The following INSR variants were observed in gnomAD, a reference collection of about 807,000 sequenced individuals.
The protein encoded by INSR is insulin receptor, also known as IR.
In INSR, 67 loss-of-function variants were observed where a neutral mutation model predicts 142.6. That is an observed-to-expected ratio of 0.47 (90% CI 0.39 to 0.58). The LOEUF is 0.58. INSR is among the 20% of genes least tolerant of loss of function. The pLI is 0.00. For synonymous variants in INSR, 756 were observed against 743.1 expected (o/e 1.02, Z -0.28); for missense variants, 1,248 against 1,833.2 (o/e 0.68, Z 5.83).
intron 3 of INSR, among the ~76,000 whole-genome samples, chr19:7,182,260 G>A (rs1433188681): frequency 1.3e-5 from 2 of 152,166 alleles, no homozygotes; most frequent in East Asian, 1.9e-4. Context: ...ACTTGAACCC[G>A]GGAGGCTGAG....
chr19:7,203,144 T>G (rs942987367), intron 2 of INSR, among the ~76,000 whole-genome samples: 5 of 152,178 alleles, frequency 3.3e-5, no homozygotes, highest in African/African-American at 1.2e-4. Flanking sequence ...AAACTTTTTG[T>G]TACCTGAGTC....
intron 9 of INSR, among the ~76,000 whole-genome samples, chr19:7,157,390 C>T (rs1462379415): frequency 3.3e-5 from 5 of 150,390 alleles, no homozygotes; most frequent in African/African-American, 1.2e-4. Flanking sequence ...GCTGGGATTA[C>T]AGGCGTGAGC....
At position 7,184,359 on chromosome 19, in the gene INSR, A is replaced by G. The variant is rs1298461800; in HGVS notation, c.931T>C (p.Cys311Arg). ...TACCCGGAGGGACACTCAGGGATGC[A>G]CTTGTTGTTGTGAATGACGTACTGG... ...CHQYVIHNNKCIPECPSGYTM... is the reference protein window; with the variant it reads ...CHQYVIHNNKRIPECPSGYTM... Residue 311 changes from cysteine to arginine, a missense_variant, in exon 3 of 22, where the codon TGC (cysteine) becomes CGC (arginine). Transcript: ENST00000302850. 2 of 1,613,904 alleles carry G rather than the reference A, an allele frequency of 1.2e-6. No individual in the cohort carries two copies. The highest frequency in any genetic ancestry group is 2.7e-5 in the African/African-American group (2 of 74,960).
In INSR at chr19:7,252,327, G is replaced by A. The variant is rs145731658; in HGVS notation, c.652+15018C>T. On this transcript the variant is annotated intron_variant, in intron 2 of 21. Coordinates refer to ENST00000302850, the MANE Select transcript of INSR (RefSeq NM_000208.4). ...CTCAGGAGGCTGAGGCAGGAGAATC[G>A]CTTGAATCCAGGAGGTTGCAGTGAG... Among the ~76,000 whole-genome samples, 577 of 151,936 alleles carry A rather than the reference G, an allele frequency of 3.8e-3. 5 individuals carry two copies. The highest frequency in any genetic ancestry group is 0.013 in the African/African-American group (539 of 41,394).
chr19:7,131,560 A>C (rs1599880980), intron 14 of INSR, among the ~76,000 whole-genome samples: 2 of 144,980 alleles, frequency 1.4e-5, no homozygotes, highest in East Asian at 4.5e-4. Context: ...GTTGGCCAGG[A>C]TGGTCTCGAT....
intron 2 of INSR, among the ~76,000 whole-genome samples, chr19:7,198,362 C>G (rs1168042423): frequency 1.3e-5 from 2 of 152,070 alleles, no homozygotes; most frequent in African/African-American, 4.8e-5. Context: ...CTGGGAGGGC[C>G]CCTCGTGGCT....
At chr19:7,239,642 C>G (rs1202521868) in intron 2 of INSR, among the ~76,000 whole-genome samples, 1 of 151,878 alleles carries the variant, frequency 6.6e-6, no homozygotes, top group Non-Finnish European at 1.5e-5. Flanking sequence ...AGATGGACAC[C>G]AAGATGTTCA....
At chr19:7,195,141 G>C (rs1348728565) in intron 2 of INSR, among the ~76,000 whole-genome samples, 2 of 152,154 alleles carry the variant, frequency 1.3e-5, no homozygotes, top group Non-Finnish European at 2.9e-5. Flanking sequence ...CTTGGGTACT[G>C]AGCCTTACGG....
At chr19:7,263,772 C>A (rs1384766157) in intron 2 of INSR, among the ~76,000 whole-genome samples, 1 of 152,132 alleles carries the variant, frequency 6.6e-6, no homozygotes, top group Admixed American at 6.6e-5. Flanking sequence ...GTGGCCGATG[C>A]ATGTAATCCC....
chr19:7,281,860 T>A (rs924421442), intron 1 of INSR, among the ~76,000 whole-genome samples: 2 of 152,178 alleles, frequency 1.3e-5, no homozygotes, highest in Non-Finnish European at 2.9e-5. Context: ...CATGATAGCA[T>A]CCTGCCTTTC....
rs121913144 is a variant in INSR at position 7,125,462 on chromosome 19, G to A, written c.3079C>T (p.Arg1027Ter). 4 of 1,613,928 alleles carry A rather than the reference G, an allele frequency of 2.5e-6. No homozygotes were observed. Among genetic ancestry groups the A allele is most frequent in the East Asian group, 2.2e-5 (1 of 44,880 alleles). The change falls in exon 17 of 22, where the codon CGA (arginine) becomes TGA (stop). Residue 1027 changes from arginine (R) to a stop codon, truncating the protein, a stop_gained. Transcript: ENST00000302850. LOFTEE classifies it high-confidence loss of function. The surrounding 1 kb of genome is among the most constrained non-coding windows in gnomAD (Gnocchi z 4.9). The part of the protein sequence containing the change: ...EVSREKITLL[R>*]ELGQGSFGMV... ...CCGAAGGAGCCCTGCCCCAGCTCTC[G>A]AAGGAGGGTGATCTTCTCTCGAGAC...
At chr19:7,182,142 G>A (rs181098912) in intron 3 of INSR, among the ~76,000 whole-genome samples, 54 of 151,688 alleles carry the variant, frequency 3.6e-4, no homozygotes, top group African/African-American at 1.3e-3. Flanking sequence ...GACCAGCCTG[G>A]CCAACATGAT....
At chr19:7,227,587 C>T (rs574062984) in intron 2 of INSR, among the ~76,000 whole-genome samples, 46 of 152,246 alleles carry the variant, frequency 3.0e-4, no homozygotes, top group Admixed American at 2.7e-3. Flanking sequence ...TTTGCATTCT[C>T]GTCGAAAGAT....
chr19:7,156,875 G>T (rs534064315), intron 9 of INSR, among the ~76,000 whole-genome samples: 1 of 140,468 alleles, frequency 7.1e-6, no homozygotes, highest in South Asian at 2.2e-4. Flanking sequence ...TGCAACCTCT[G>T]CCTCCTGGGT....
intron 2 of INSR, among the ~76,000 whole-genome samples, chr19:7,208,212 G>C (rs548927893): frequency 1.3e-5 from 2 of 152,056 alleles, no homozygotes; most frequent in Non-Finnish European, 2.9e-5. Flanking sequence ...GCTCTTCTTG[G>C]GTTTACTCCT....
chr19:7,243,377 C>T (rs1443069629), intron 2 of INSR, among the ~76,000 whole-genome samples: 2 of 150,032 alleles, frequency 1.3e-5, no homozygotes, highest in Non-Finnish European at 3.0e-5. Flanking sequence ...TCCCGAGTAG[C>T]TGGGATTACA....
intron 2 of INSR, among the ~76,000 whole-genome samples, chr19:7,222,644 C>T (rs4804413): frequency 0.37 from 55,756 of 151,852 alleles, 10,840 homozygotes; most frequent in Non-Finnish European, 0.43. Context: ...CCTCCCACCT[C>T]GGCCTCCCAA....
chr19:7,261,493 C>G (rs1381153373), intron 2 of INSR, among the ~76,000 whole-genome samples: 1 of 152,004 alleles, frequency 6.6e-6, no homozygotes, highest in Non-Finnish European at 1.5e-5. Context: ...TTAGCACATG[C>G]CATGTTTTTT....
intron 2 of INSR, among the ~76,000 whole-genome samples, chr19:7,189,920 T>G (rs572913338): frequency 1.1e-3 from 174 of 152,218 alleles, no homozygotes; most frequent in African/African-American, 4.1e-3. Context: ...CACCTTGGCC[T>G]CCCAAAGTGC....
Sources: allele counts gnomAD v4.1 joint callset (sites outside exome capture counted in the v4.1 genomes callset), GRCh38; gene constraint gnomAD v4.1.1; non-coding constraint Gnocchi (gnomAD v3.1); transcripts MANE v1.5; gene names NCBI Gene and HGNC (gene_info 2026-07-23, HGNC 2026-07-21).